CSTF3: variants seen among roughly 807,000 people sequenced by gnomAD.
The protein encoded by CSTF3 is CF-1 77 kDa subunit.
In CSTF3, 29 loss-of-function variants were observed where a neutral mutation model predicts 105.8. That is an observed-to-expected ratio of 0.27 (90% CI 0.20 to 0.37). The LOEUF (loss-of-function observed/expected upper bound fraction) is 0.37, where lower values mean the gene tolerates loss of function less well. Among genes scored for constraint, CSTF3 ranks in the 10% least tolerant of loss-of-function variants. The probability of loss-of-function intolerance (pLI) is 1.00; values close to 1 mark genes in which losing one functional copy is unlikely to be tolerated. For missense variants in CSTF3, 357 were observed against 879.3 expected (o/e 0.41, Z 7.51); for synonymous variants, 252 against 281.9 (o/e 0.89, Z 1.06).
intron 10 of CSTF3, among the ~76,000 whole-genome samples, chr11:33,100,511 T>C (rs753693405): frequency 3.3e-5 from 5 of 152,132 alleles, no homozygotes; most frequent in Non-Finnish European, 7.4e-5. Context: ...TTAATACTTA[T>C]TGAGCACCAA....
chr11:33,144,487 G>C (rs1855754359), intron 1 of CSTF3, among the ~76,000 whole-genome samples: 1 of 152,106 alleles, frequency 6.6e-6, no homozygotes, highest in Non-Finnish European at 1.5e-5. Flanking sequence ...AATAATAAAG[G>C]TGGCATGTTC....
chr11:33,127,616 CA>C (rs1309199988), intron 3 of CSTF3, among the ~76,000 whole-genome samples: 1 of 152,044 alleles, frequency 6.6e-6, no homozygotes, highest in African/African-American at 2.4e-5. Flanking sequence ...CATGATCTGC[CA>C]ACGTTTTTGA....
intron 3 of CSTF3, among the ~76,000 whole-genome samples, chr11:33,131,691 A>G (rs936630146): frequency 1.2e-5 from 1 of 80,984 alleles, no homozygotes; most frequent in African/African-American, 3.4e-5. Context: ...CTAAAAATAC[A>G]AAAAAAAAAA....
intron 3 of CSTF3, among the ~76,000 whole-genome samples, chr11:33,139,140 A>G (rs1216287323): frequency 6.6e-6 from 1 of 151,904 alleles, no homozygotes; most frequent in East Asian, 1.9e-4. Flanking sequence ...ATTTTTTTAA[A>G]AAGTTTAATA....
intron 3 of CSTF3, among the ~76,000 whole-genome samples, chr11:33,131,669 A>AC (rs1374480717): frequency 6.6e-6 from 1 of 150,524 alleles, no homozygotes; most frequent in East Asian, 2.0e-4. Flanking sequence ...ACACAGTGAA[A>AC]CCCCATCTCT....
At chr11:33,098,795 C>T in intron 12 of CSTF3, 31 bp from the exon 13 acceptor site, 10 of 1,410,152 alleles carry the variant, frequency 7.1e-6, no homozygotes, top group Non-Finnish European at 9.5e-6. Context: ...TGAGTATCAA[C>T]ATATGGTCAT....
At chr11:33,110,526 G>A (rs1821211862) in intron 3 of CSTF3, among the ~76,000 whole-genome samples, 2 of 152,190 alleles carry the variant, frequency 1.3e-5, no homozygotes, top group South Asian at 4.1e-4. Flanking sequence ...TGGGAATAAA[G>A]TAGGATGAAT....
At chr11:33,130,475 C>T (rs1394989949) in intron 3 of CSTF3, among the ~76,000 whole-genome samples, 1 of 151,416 alleles carries the variant, frequency 6.6e-6, no homozygotes, top group East Asian at 2.0e-4. Flanking sequence ...TGTCTCAAAA[C>T]AATGATAAAT....
intron 1 of CSTF3, among the ~76,000 whole-genome samples, chr11:33,148,737 G>GAGATAC (rs1565019740): frequency 2.2e-4 from 33 of 151,944 alleles, no homozygotes; most frequent in Non-Finnish European, 3.7e-4. Context: ...TGCTCCTTTG[G>GAGATAC]TGCCACAGAA....
chr11:33,132,385 T>G (rs1195127906), intron 3 of CSTF3, among the ~76,000 whole-genome samples: 1 of 151,598 alleles, frequency 6.6e-6, no homozygotes, highest in Non-Finnish European at 1.5e-5. Flanking sequence ...AATTTTCTGT[T>G]GAAGAAAAAA....
intron 15 of CSTF3, among the ~76,000 whole-genome samples, chr11:33,095,645 C>T (rs1855212997): frequency 6.6e-6 from 1 of 151,200 alleles, no homozygotes; most frequent in Non-Finnish European, 1.5e-5. Context: ...CACGGTGAAA[C>T]CCTGTCTCTA....
intron 1 of CSTF3, among the ~76,000 whole-genome samples, chr11:33,158,057 G>T (rs1026053350): frequency 6.6e-6 from 1 of 152,124 alleles, no homozygotes; most frequent in Admixed American, 6.5e-5. Context: ...CAGTATCTAG[G>T]ATTTGCTTCG....
intron 1 of CSTF3, among the ~76,000 whole-genome samples, chr11:33,158,385 T>C (rs894914794): frequency 6.6e-6 from 1 of 152,114 alleles, no homozygotes; most frequent in Non-Finnish European, 1.5e-5. Flanking sequence ...CGATACTTAA[T>C]CTTTAGGAAG....
intron 1 of CSTF3, among the ~76,000 whole-genome samples, chr11:33,150,128 T>C (rs569510075): frequency 9.3e-5 from 14 of 150,548 alleles, no homozygotes; most frequent in Middle Eastern, 3.4e-3. Context: ...GACCGGAGAA[T>C]TGCTTGAACC....
intron 5 of CSTF3, among the ~76,000 whole-genome samples, chr11:33,106,285 G>A (rs755308572): frequency 1.3e-5 from 2 of 151,972 alleles, no homozygotes; most frequent in Middle Eastern, 3.2e-3. Flanking sequence ...GCATGGTGGC[G>A]TGCACCTGTA....
At chr11:33,102,698 G>T (rs1855291780) in intron 9 of CSTF3, among the ~76,000 whole-genome samples, 2 of 152,194 alleles carry the variant, frequency 1.3e-5, no homozygotes, top group Admixed American at 6.5e-5. Flanking sequence ...GTATTAATAG[G>T]CTATTTTTCC....
chr11:33,148,867 T>TC (rs1855820739), intron 1 of CSTF3, among the ~76,000 whole-genome samples: 1 of 150,906 alleles, frequency 6.6e-6, no homozygotes, highest in Non-Finnish European at 1.5e-5. Context: ...TGTGTTTTTT[T>TC]TTTTTTTTTT....
intron 1 of CSTF3, among the ~76,000 whole-genome samples, chr11:33,150,153 T>A (rs557044915): frequency 6.0e-5 from 9 of 149,386 alleles, no homozygotes; most frequent in African/African-American, 1.7e-4. Flanking sequence ...AGGCGGAGGT[T>A]GCAGTGAGCC....
At position 33,141,778 on chromosome 11, in the gene CSTF3, A is replaced by G; in HGVS notation, c.130-16T>C. The G allele has an allele frequency of 3.8e-6, 6 of 1,584,792 alleles. No homozygotes were observed. The highest frequency in any genetic ancestry group is 5.1e-6 in the Non-Finnish European group (6 of 1,171,450). On this transcript the variant is annotated splice_polypyrimidine_tract_variant and intron_variant, in intron 2 of 20. Transcript: ENST00000323959. ...TAGGTTGATTCTAAAATTGAAAACC[A>G]ATAAACAGCATTTACAATGTTAGGA...
Sources: allele counts gnomAD v4.1 joint callset (sites outside exome capture counted in the v4.1 genomes callset), GRCh38; gene constraint gnomAD v4.1.1; transcripts MANE v1.5; gene names NCBI Gene and HGNC (gene_info 2026-07-23, HGNC 2026-07-21).